Variants in SH3TC2 observed in about 807,000 individuals in gnomAD.
SH3TC2 encodes SH3 domain and tetratricopeptide repeats 2, also known as SH3 domain and tetratricopeptide repeat-containing protein 2.
In SH3TC2, 87 loss-of-function variants were observed where a neutral mutation model predicts 124.5. The ratio of observed to expected loss-of-function variants is 0.70; its 90% CI spans 0.59 to 0.84. The LOEUF is 0.84. Ranked by LOEUF, SH3TC2 falls within the 40% of genes least tolerant of loss-of-function variation. The pLI, the probability that SH3TC2 is intolerant of heterozygous loss-of-function variation, is 0.00. For synonymous variants in SH3TC2, 634 were observed against 628.5 expected (o/e 1.01, Z -0.13); for missense variants, 1,536 against 1,566.4 (o/e 0.98, Z 0.33).
At chr5:149,056,626 T>C (rs935620652) in intron 1 of SH3TC2, among the ~76,000 whole-genome samples, 2 of 152,186 alleles carry the variant, frequency 1.3e-5, no homozygotes, top group Non-Finnish European at 2.9e-5. Flanking sequence ...TGATGTCTTC[T>C]AGAGTGTGAG....
At chr5:149,056,497 T>C (rs1406761169) in intron 1 of SH3TC2, among the ~76,000 whole-genome samples, 1 of 152,220 alleles carries the variant, frequency 6.6e-6, no homozygotes. Context: ...TAATGGTACA[T>C]TTTTATGAAA....
intron 5 of SH3TC2, 136 bp downstream of exon 5, chr5:149,042,558 A>G (rs144606543): frequency 6.7e-6 from 7 of 1,042,654 alleles, no homozygotes; most frequent in Non-Finnish European, 7.4e-6. Context: ...TCAAAGTACT[A>G]TTATAACAGG....
intron 12 of SH3TC2, among the ~76,000 whole-genome samples, chr5:149,016,859 A>G (rs1580893937): frequency 6.9e-6 from 1 of 144,046 alleles, no homozygotes; most frequent in African/African-American, 2.6e-5. Context: ...CAGGAGGCGG[A>G]GGTTGCAGTG....
intron 1 of SH3TC2, among the ~76,000 whole-genome samples, chr5:149,059,344 G>T (rs541683719): frequency 6.6e-6 from 1 of 152,096 alleles, no homozygotes; most frequent in African/African-American, 2.4e-5. Context: ...CTCTGATCAG[G>T]GAAACATCTC....
chr5:148,991,828 T>C lies in SH3TC2; in HGVS notation c.*12883A>G, dbSNP rs910426200. The stretch of plus-strand genomic sequence containing the variant: ...CTGGTGTCAGAGAACTCTACAAATA[T>C]GGCAGATCATCACATGGGACTTTAT... On this transcript the variant is annotated 3_prime_UTR_variant, in exon 17 of 17. Transcript: ENST00000515425. Among the ~76,000 whole-genome samples the C allele has an allele frequency of 6.6e-6, 1 of 152,188 alleles. No homozygotes were observed. The highest frequency in any genetic ancestry group is 1.5e-5 in the Non-Finnish European group (1 of 68,036).
Position 149,028,661 on chromosome 5 carries a change from C to G in SH3TC2, c.1177+16G>C, listed in dbSNP as rs1344068261. On this transcript the variant is annotated intron_variant, in intron 10 of 16. Coordinates refer to ENST00000515425, the MANE Select transcript of SH3TC2 (RefSeq NM_024577.4). ...CCTCAAGGATGAATGTCAGGTTCAGCATGATCGCTACTCACCACTCAGATC... is the reference window on the plus strand; with the variant it reads ...CCTCAAGGATGAATGTCAGGTTCAGGATGATCGCTACTCACCACTCAGATC... 1 of 1,614,072 alleles carries G rather than the reference C, an allele frequency of 6.2e-7. No individual in the cohort carries two copies. Among genetic ancestry groups the G allele is most frequent in the Non-Finnish European group, 8.5e-7 (1 of 1,180,040 alleles).
Position 149,036,335 on chromosome 5 carries a change from C to T in SH3TC2, c.1001+1960G>A, listed in dbSNP as rs899341164. On this transcript the variant is annotated intron_variant, in intron 8 of 16. Coordinates refer to ENST00000515425, the MANE Select transcript of SH3TC2 (RefSeq NM_024577.4). ...AAGGCCTTTCTTTCCTCACTTGGCCCTGCTGTACCTCTCTGATGACAGCAC... is the reference window on the plus strand; with the variant it reads ...AAGGCCTTTCTTTCCTCACTTGGCCTTGCTGTACCTCTCTGATGACAGCAC... Among the ~76,000 whole-genome samples, 17 of 152,214 alleles carry T rather than the reference C, an allele frequency of 1.1e-4. No individual in the cohort carries two copies. In the East Asian group the frequency reaches 3.1e-3, roughly 28 times the overall value.
At chr5:149,032,844 T>C (rs561938422) in intron 8 of SH3TC2, among the ~76,000 whole-genome samples, 190 of 152,288 alleles carry the variant, frequency 1.2e-3, no homozygotes, top group African/African-American at 4.2e-3. Context: ...ACACTATTAA[T>C]AGTACCACAC....
At chr5:149,055,275 T>G (rs965512275) in intron 1 of SH3TC2, among the ~76,000 whole-genome samples, 1 of 152,180 alleles carries the variant, frequency 6.6e-6, no homozygotes, top group Non-Finnish European at 1.5e-5. Context: ...TACGTATGTA[T>G]AGTTATCAAA....
At position 148,982,804 on chromosome 5, in the gene SH3TC2, C is replaced by G. The variant is rs956812705; in HGVS notation, c.*21907G>C. 6.6e-6 allele frequency among the ~76,000 whole-genome samples: 1 copy of G among 152,090 alleles called. No homozygotes were observed. The highest frequency in any genetic ancestry group is 1.9e-4 in the East Asian group (1 of 5,190). ...GCATGCTATTCCTTGTTTAATTTTT[C>G]ATTTGGGAATCATGAGAATTCATTA... On this transcript the variant is annotated 3_prime_UTR_variant, in exon 17 of 17. Transcript: ENST00000515425.
rs1244436167 is a variant in SH3TC2, at chr5:148,985,311, G to A, written c.*19400C>T. 6.6e-6 allele frequency among the ~76,000 whole-genome samples: 1 copy of A among 152,014 alleles called. No homozygotes were observed. Among genetic ancestry groups the A allele is most frequent in the Non-Finnish European group, 1.5e-5 (1 of 68,000 alleles). On this transcript the variant is annotated 3_prime_UTR_variant, in exon 17 of 17. Transcript: ENST00000515425. ...ATGAGTTTTGGCAAATGCATTCAAT[G>A]CCATCACTACTACAATCAAGATATA...
rs757929948 is a variant in SH3TC2, at chr5:148,982,730, T to C, written c.*21981A>G. On this transcript the variant is annotated 3_prime_UTR_variant, in exon 17 of 17. Transcript: ENST00000515425. ...TACACACAAAATATCCCTGGAAGAATACACAAGAAACTAATTTTTTAAATG... is the reference window on the plus strand; with the variant it reads ...TACACACAAAATATCCCTGGAAGAACACACAAGAAACTAATTTTTTAAATG... Among the ~76,000 whole-genome samples the C allele has an allele frequency of 1.3e-5, 2 of 152,184 alleles. No homozygotes were observed. Among genetic ancestry groups the C allele is most frequent in the Non-Finnish European group, 2.9e-5 (2 of 68,008 alleles).
Position 149,042,800 on chromosome 5 carries a change from G to T in SH3TC2, c.423C>A (p.Asp141Glu), listed in dbSNP as rs1376413138. ...ATATGCAGTTGAGCCAGTACTTGTG[G>T]TCAAAGAGGAGATGTTCTAGACACA... ...VSMCLEHLLF[D>E]HKYWLNCILV... is the part of the protein sequence containing the mutation. Residue 141 changes from aspartate (D) to glutamate (E), a missense_variant, in exon 5 of 17, where the codon GAC (aspartate) becomes GAA (glutamate). Physicochemically the swap from Asp to Glu is conservative, Grantham distance 45. Around this residue, in one of 3 missense-constraint regions of SH3TC2, gnomAD observed 1,102 missense variants for 1,098.6 expected, o/e 1.00. Transcript: ENST00000515425. 13 of 1,614,140 alleles carry T rather than the reference G, an allele frequency of 8.1e-6. No homozygotes were observed. The highest frequency in any genetic ancestry group is 1.1e-5 in the Non-Finnish European group (13 of 1,180,032).
In SH3TC2 at chr5:149,038,443, C is replaced by T. The variant is rs766345707; in HGVS notation, c.853G>A (p.Asp285Asn). 1 of 1,614,156 alleles carries T rather than the reference C, an allele frequency of 6.2e-7. No individual in the cohort carries two copies. Among genetic ancestry groups the T allele is most frequent in the Non-Finnish European group, 8.5e-7 (1 of 1,180,004 alleles). The change falls in exon 8 of 17, where the codon GAT (aspartate) becomes AAT (asparagine). Residue 285 changes from aspartate to asparagine, a missense_variant. Transcript: ENST00000515425. ...ALTGYEPGEKDELNFYQGESI... is the reference protein window; with the variant it reads ...ALTGYEPGEKNELNFYQGESI... ...TCTCCCTGGTAGAAATTCAGTTCAT[C>T]CTTTTCTCCTGGCTCATAACCCGTC...
chr5:149,027,212 G>A lies in SH3TC2; in HGVS notation c.2520C>T (p.Asn840=), dbSNP rs371588176. 5 of 1,614,088 alleles carry A rather than the reference G, an allele frequency of 3.1e-6. No homozygotes were observed. The highest frequency in any genetic ancestry group is 1.3e-5 in the African/African-American group (1 of 74,944). Residue 840 remains asparagine, a synonymous_variant, in exon 11 of 17, where the codon AAC becomes AAT. Transcript: ENST00000515425. ...CACCTTGGAGTGCAAGTCCCAGGAG[G>A]TTATAGATGACTCCCCTTTGAGTGA... is the stretch of plus-strand genomic sequence containing the variant. ...ESLTQRGVIY[N]LLGLALQGEG... is the part of the protein sequence containing the mutation.
Position 149,027,943 on chromosome 5 carries a change from C to T in SH3TC2, c.1789G>A (p.Ala597Thr). The T allele has an allele frequency of 6.2e-7, 1 of 1,614,148 alleles. No individual in the cohort carries two copies. Among genetic ancestry groups the T allele is most frequent in the Non-Finnish European group, 8.5e-7 (1 of 1,180,052 alleles). The change falls in exon 11 of 17, where the codon GCC becomes ACC. Residue 597 changes from alanine (A) to threonine (T), a missense_variant. By Grantham distance (58) the Ala-to-Thr change is moderately conservative. Around this residue, in one of 3 missense-constraint regions of SH3TC2, gnomAD observed 1,102 missense variants for 1,098.6 expected, o/e 1.00. Coordinates refer to ENST00000515425, the MANE Select transcript of SH3TC2 (RefSeq NM_024577.4). ...KGSALLEKAGALLACLPDRES... is the reference protein window; with the variant it reads ...KGSALLEKAGTLLACLPDRES... ...CGGTCAGGCAGGCAGGCCAGCAGGG[C>T]ACCTGCCTTTTCCAACAGGGCGGAG...
In SH3TC2 at chr5:148,999,762, T is replaced by A. The variant is rs1257743670; in HGVS notation, c.*4949A>T. 2.0e-5 allele frequency among the ~76,000 whole-genome samples: 3 copies of A among 152,194 alleles called. No individual in the cohort carries two copies. The highest frequency in any genetic ancestry group is 4.4e-5 in the Non-Finnish European group (3 of 68,034). The stretch of plus-strand genomic sequence containing the variant: ...CTGCTGCCCTAATCTAGTCTCATGC[T>A]GCTTCTAGAATCATCTTTCCAAAGC... On this transcript the variant is annotated 3_prime_UTR_variant, in exon 17 of 17. Transcript: ENST00000515425.
In SH3TC2 at chr5:149,004,411, T is replaced by A; in HGVS notation, c.*300A>T. Reference sequence around the variant, plus strand: ...GGCTCCTGGAGGGCAAGATCCCTCATCTTCTCCAGAATTATGTATGGAGAA... The same window carrying A: ...GGCTCCTGGAGGGCAAGATCCCTCAACTTCTCCAGAATTATGTATGGAGAA... On this transcript the variant is annotated 3_prime_UTR_variant, in exon 17 of 17. Coordinates refer to ENST00000515425, the MANE Select transcript of SH3TC2 (RefSeq NM_024577.4). 2 of 378,832 alleles carry A rather than the reference T, an allele frequency of 5.3e-6. No homozygotes were observed. The highest frequency in any genetic ancestry group is 7.6e-5 in the South Asian group (2 of 26,224). The allele number at this position is 378,832 out of a possible 1,614,324, so 23.5% of individuals were successfully genotyped here. A position where few individuals can be genotyped will look rare whatever the true frequency, so the allele number is the denominator to read the frequency against.
chr5:149,042,987 C>G, intron 4 of SH3TC2, 150 bp from the exon 5 acceptor site: 1 of 837,418 alleles, frequency 1.2e-6, no homozygotes, highest in East Asian at 2.6e-5. Context: ...ACATAAGAGG[C>G]AAAGCCAGAC....
Sources: gnomAD v4.1 joint callset for allele counts (sites outside exome capture counted in the v4.1 genomes callset) on GRCh38, gnomAD v4.1.1 for gene constraint, gnomAD v4.1.1 regional missense constraint, MANE v1.5 for transcripts, NCBI Gene and HGNC (gene_info 2026-07-23, HGNC 2026-07-21) for gene names.